The following HABP2 variants were observed in gnomAD, a reference collection of about 807,000 sequenced individuals.
The protein encoded by HABP2 is hyaluronan binding protein 2, also known as factor VII-activating protease.
HABP2 carries 65 observed loss-of-function variants against 66.5 expected under a neutral mutation model. That is an observed-to-expected ratio of 0.98 (90% confidence interval 0.80 to 1.20). The LOEUF (loss-of-function observed/expected upper bound fraction) is 1.20, where lower values mean the gene tolerates loss of function less well. Among genes scored for constraint, HABP2 ranks in the 50% most tolerant of loss-of-function variants. HABP2 has a pLI of 0.00. For synonymous variants in HABP2, 263 were observed against 253.9 expected, an observed-to-expected ratio of 1.04 and a Z score of -0.34; for missense variants, 786 against 691.0, an observed-to-expected ratio of 1.14 and a Z score of -1.54.
intron 2 of HABP2, among the ~76,000 whole-genome samples, chr10:113,568,935 A>G (rs1845252393): frequency 6.6e-6 from 1 of 152,250 alleles, no homozygotes; most frequent in African/African-American, 2.4e-5. Context: ...TGTGCAGTGA[A>G]CAACTTGAGC....
At chr10:113,578,888 T>C (rs1172890782) in intron 7 of HABP2, 90 bp downstream of exon 7, 2 of 893,596 alleles carry the variant, frequency 2.2e-6, no homozygotes, top group Non-Finnish European at 3.7e-6. Context: ...TCTAGGAAGA[T>C]TTTCTTACTC....
chr10:113,583,450 C>T (rs1845578690), intron 10 of HABP2, 92 bp downstream of exon 10: 2 of 1,194,314 alleles, frequency 1.7e-6, no homozygotes, highest in South Asian at 2.6e-5. Context: ...AGAAGGTGCT[C>T]TTGATTGTTT....
In HABP2 at chr10:113,588,444, A is replaced by C. The variant is rs1845712922; in HGVS notation, c.*75A>C. 9 of 1,146,606 alleles carry C rather than the reference A, an allele frequency of 7.8e-6. No individual in the cohort carries two copies. In the South Asian group the frequency reaches 1.3e-4, roughly 17 times the overall value. The allele number at this position is 1,146,606 out of a possible 1,614,324, so 71.0% of individuals were successfully genotyped here. On this transcript the variant is annotated 3_prime_UTR_variant, in exon 13 of 13. Coordinates refer to ENST00000351270, the MANE Select transcript of HABP2 (RefSeq NM_004132.5). ...CGGGAGGCCTCATGGCCAACAATGG[A>C]CACCTCCAGAGCCTCCAGGGGACCA...
At chr10:113,587,086 G>C (rs539044557) in intron 12 of HABP2, among the ~76,000 whole-genome samples, 1 of 152,178 alleles carries the variant, frequency 6.6e-6, no homozygotes, top group Non-Finnish European at 1.5e-5. Context: ...AGGCTGAGGC[G>C]GGCAGATCAC....
chr10:113,568,721 C>T (rs1042616529), intron 2 of HABP2, among the ~76,000 whole-genome samples: 1 of 152,188 alleles, frequency 6.6e-6, no homozygotes, highest in Non-Finnish European at 1.5e-5. Flanking sequence ...AGGGTGGCCT[C>T]TTCCCCAGCC....
At chr10:113,569,588 T>A (rs1192736156) in intron 2 of HABP2, 3 of 152,250 alleles carry the variant, frequency 2.0e-5, no homozygotes. Flanking sequence ...CAGTCCCCAG[T>A]GGGTGGTGGA....
chr10:113,561,923 A>C (rs1185515606), intron 1 of HABP2, among the ~76,000 whole-genome samples: 2 of 152,202 alleles, frequency 1.3e-5, no homozygotes, highest in African/African-American at 4.8e-5. Flanking sequence ...GTAAATCAGT[A>C]AGACTCAGAG....
chr10:113,586,896 G>A (rs1467937031), intron 12 of HABP2, among the ~76,000 whole-genome samples: 1 of 152,212 alleles, frequency 6.6e-6, no homozygotes, highest in African/African-American at 2.4e-5. Context: ...TCTCTCCAGG[G>A]TTTGTGGCTC....
In HABP2 at chr10:113,577,283, C is replaced by G; in HGVS notation, c.448+17C>G. The G allele has an allele frequency of 1.6e-6, 2 of 1,269,744 alleles. No homozygotes were observed. Among genetic ancestry groups the G allele is most frequent in the Admixed American group, 3.4e-5 (2 of 59,540 alleles). 78.7% of individuals were successfully genotyped at this position (1,269,744 alleles called of 1,614,324 possible). On this transcript the variant is annotated intron_variant, in intron 5 of 12. Coordinates refer to ENST00000351270, the MANE Select transcript of HABP2 (RefSeq NM_004132.5). ...GCTCCCAAGGTAAGTGGTGGAGGCCCCTTCGACGCTAGACTTTCTGTGCCC... is the reference window on the plus strand; with the variant it reads ...GCTCCCAAGGTAAGTGGTGGAGGCCGCTTCGACGCTAGACTTTCTGTGCCC...
Position 113,589,139 on chromosome 10 carries a change from C to T in HABP2, c.*770C>T, listed in dbSNP as rs1845776186. 2 of 1,413,046 alleles carry T rather than the reference C, an allele frequency of 1.4e-6. No individual in the cohort carries two copies. The highest frequency in any genetic ancestry group is 3.4e-5 in the Admixed American group (2 of 58,582). The allele number at this position is 1,413,046 out of a possible 1,614,324, so 87.5% of individuals were successfully genotyped here. A position where few individuals can be genotyped will look rare whatever the true frequency, so the allele number is the denominator to read the frequency against. On this transcript the variant is annotated 3_prime_UTR_variant, in exon 13 of 13. Transcript: ENST00000351270. ...AGCTCCCCCACCCCCACTCCCGGCC[C>T]CGGTTCCCACAGGACACGCTAAGAA...
At position 113,577,130 on chromosome 10, in the gene HABP2, A is replaced by G; in HGVS notation, c.332-20A>G. ...GAAAATGTGCCCCAAATAATGTCTTATGTTATGGATCTCCTACAGTGCAAA... is the reference window on the plus strand; with the variant it reads ...GAAAATGTGCCCCAAATAATGTCTTGTGTTATGGATCTCCTACAGTGCAAA... On this transcript the variant is annotated intron_variant, in intron 4 of 12. Transcript: ENST00000351270. The G allele has an allele frequency of 7.5e-7, 1 of 1,325,648 alleles. No homozygotes were observed. The highest frequency in any genetic ancestry group is 2.3e-5 in the East Asian group (1 of 43,564). 82.1% of individuals were successfully genotyped at this position (1,325,648 alleles called of 1,614,324 possible).
Position 113,589,149 on chromosome 10 carries a change from C to T in HABP2, c.*780C>T, listed in dbSNP as rs909525699. 3 of 1,286,560 alleles carry T rather than the reference C, an allele frequency of 2.3e-6. No individual in the cohort carries two copies. The highest frequency in any genetic ancestry group is 1.5e-5 in the African/African-American group (1 of 68,502). The allele number at this position is 1,286,560 out of a possible 1,614,324, so 79.7% of individuals were successfully genotyped here. ...CCCCCACTCCCGGCCCCGGTTCCCA[C>T]AGGACACGCTAAGAAGCACAGGGAG... On this transcript the variant is annotated 3_prime_UTR_variant, in exon 13 of 13. Transcript: ENST00000351270.
In HABP2 at chr10:113,578,095, A is replaced by T. The variant is rs761636169; in HGVS notation, c.518A>T (p.Lys173Met). 2 of 1,614,140 alleles carry T rather than the reference A, an allele frequency of 1.2e-6. No homozygotes were observed. The highest frequency in any genetic ancestry group is 1.7e-6 in the Non-Finnish European group (2 of 1,179,996). ...ATCSRHKRRS[K>M]FTCACPDQFK... ...TGCTCCCGGCATAAGCGGAGATCCA[A>T]GTTCACCTGTGCCTGTCCCGACCAG... Residue 173 changes from lysine to methionine, a missense_variant, in exon 6 of 13, where the codon AAG becomes ATG. Physicochemically the swap from Lys to Met is moderately conservative, Grantham distance 95. Transcript: ENST00000351270.
Position 113,584,244 on chromosome 10 carries a change from G to T in HABP2, c.1334G>T (p.Ser445Ile), listed in dbSNP as rs764293369. The change falls in exon 11 of 13, where the codon AGT (serine) becomes ATT (isoleucine). Residue 445 changes from serine (S) to isoleucine (I), a missense_variant. Transcript: ENST00000351270. ...CLPDGSFPSG[S>I]ECHISGWGVT... is the part of the protein sequence containing the mutation. ...CCTGATGGGTCCTTTCCCTCTGGGA[G>T]TGAGTGCCACATCTCTGGCTGGGGT... 9 of 1,613,980 alleles carry T rather than the reference G, an allele frequency of 5.6e-6. No individual in the cohort carries two copies. The East Asian group carries it at 8.9e-5, about 16-fold the overall frequency.
At chr10:113,574,946 CAT>C (rs747354359) in intron 3 of HABP2, among the ~76,000 whole-genome samples, 1 of 151,700 alleles carries the variant, frequency 6.6e-6, no homozygotes, top group East Asian at 1.9e-4. Flanking sequence ...TGTATGTGTG[CAT>C]ATGTGTGTGT....
At chr10:113,551,495 G>A (rs1844898272), upstream of HABP2, among the ~76,000 whole-genome samples, 1 of 152,168 alleles carries the variant, frequency 6.6e-6, no homozygotes, top group African/African-American at 2.4e-5. Flanking sequence ...AGTAGGGCTA[G>A]AGAAGAACTT....
At chr10:113,583,184 T>C (rs779128972) in intron 9 of HABP2, 32 bp from the exon 10 acceptor site, 1 of 1,608,826 alleles carries the variant, frequency 6.2e-7, no homozygotes, top group East Asian at 2.2e-5. Context: ...GCAGAAACAG[T>C]GCCTTCCTGA....
intron 2 of HABP2, among the ~76,000 whole-genome samples, chr10:113,571,336 C>A (rs1845305541): frequency 6.6e-6 from 1 of 152,184 alleles, no homozygotes; most frequent in Admixed American, 6.5e-5. Flanking sequence ...ACTAGGCCAG[C>A]CGTTGTCCAC....
chr10:113,567,431 A>C, intron 1 of HABP2, 58 bp from the exon 2 acceptor site: 5 of 1,332,344 alleles, frequency 3.8e-6, no homozygotes, highest in Non-Finnish European at 5.4e-6. Context: ...ACAGCTAAGG[A>C]GCACGCCCGG....
Sources: allele counts gnomAD v4.1 joint callset (sites outside exome capture counted in the v4.1 genomes callset), GRCh38; gene constraint gnomAD v4.1.1; transcripts MANE v1.5; gene names NCBI Gene and HGNC (gene_info 2026-07-23, HGNC 2026-07-21).